Variants in CDC42SE2 observed in about 807,000 individuals in gnomAD.
CDC42SE2 encodes CDC42 small effector 2.
A neutral mutation model predicts 11.5 loss-of-function variants in CDC42SE2; 3 were observed. The observed-to-expected ratio is 0.26, with a 90% confidence interval of 0.12 to 0.67. The LOEUF (loss-of-function observed/expected upper bound fraction) is 0.67, where lower values mean the gene tolerates loss of function less well. Among genes scored for constraint, CDC42SE2 ranks in the 30% least tolerant of loss-of-function variants. CDC42SE2 has a pLI of 0.80. For synonymous variants in CDC42SE2, 33 were observed against 34.8 expected, an observed-to-expected ratio of 0.95 and a Z score of 0.18; for missense variants, 82 against 106.8, an observed-to-expected ratio of 0.77 and a Z score of 1.02.
chr5:131,252,288 C>T (rs932523372), intron 1 of CDC42SE2, among the ~76,000 whole-genome samples: 1 of 152,202 alleles, frequency 6.6e-6, no homozygotes, highest in Non-Finnish European at 1.5e-5. Flanking sequence ...AAAGCAACAT[C>T]TACTCTTAAA....
intron 1 of CDC42SE2, among the ~76,000 whole-genome samples, chr5:131,314,399 C>T (rs1332050944): frequency 1.3e-5 from 2 of 152,038 alleles, no homozygotes; most frequent in East Asian, 3.9e-4. Context: ...GCCTGGTTAA[C>T]TTAAAACATT....
chr5:131,332,728 G>A (rs895284271), intron 2 of CDC42SE2, among the ~76,000 whole-genome samples: 3 of 152,172 alleles, frequency 2.0e-5, no homozygotes, highest in African/African-American at 7.2e-5. Flanking sequence ...GTGATGATGA[G>A]CATTTTTTCA....
At chr5:131,380,398 C>T (rs1056545786) in intron 3 of CDC42SE2, among the ~76,000 whole-genome samples, 2 of 152,312 alleles carry the variant, frequency 1.3e-5, no homozygotes, top group Non-Finnish European at 1.5e-5. Context: ...CCACCTGCCT[C>T]AGCCTCCTGA....
intron 3 of CDC42SE2, among the ~76,000 whole-genome samples, chr5:131,384,942 A>AGAGT (rs1255846377): frequency 6.6e-6 from 1 of 151,402 alleles, no homozygotes; most frequent in East Asian, 1.9e-4. Context: ...AAAATTAAGA[A>AGAGT]GAGTGAGTAA....
the CDC42SE2 span, among the ~76,000 whole-genome samples, chr5:131,213,576 G>A: frequency 6.6e-6 from 1 of 152,074 alleles, no homozygotes; most frequent in Admixed American, 6.6e-5. Flanking sequence ...AGCCTCCCAA[G>A]TAGCTGGGAC....
chr5:131,314,799 C>T (rs1224679652), intron 1 of CDC42SE2, among the ~76,000 whole-genome samples: 1 of 152,102 alleles, frequency 6.6e-6, no homozygotes, highest in Non-Finnish European at 1.5e-5. Flanking sequence ...CAATGGTTTT[C>T]ATTTTTCCTT....
chr5:131,376,241 A>C (rs1157282238), intron 3 of CDC42SE2, among the ~76,000 whole-genome samples: 2 of 152,090 alleles, frequency 1.3e-5, no homozygotes, highest in Non-Finnish European at 2.9e-5. Context: ...TGTCTCAAAA[A>C]AAAAAACAAA....
At chr5:131,355,050 C>G (rs1251232376) in intron 2 of CDC42SE2, among the ~76,000 whole-genome samples, 1 of 152,176 alleles carries the variant, frequency 6.6e-6, no homozygotes, top group East Asian at 1.9e-4. Flanking sequence ...TCAAATTTTT[C>G]AGATTTAGGG....
At position 131,390,891 on chromosome 5, in the gene CDC42SE2, A is replaced by G. The variant is rs1750630885; in HGVS notation, c.157-102A>G. On this transcript the variant is annotated intron_variant, in intron 4 of 4. Transcript: ENST00000505065. ...TTTGTCTATAAAAGTACCCTTCTGAAAAAAGCAGCCCAAATAAAATTCTGG... is the reference window on the plus strand; with the variant it reads ...TTTGTCTATAAAAGTACCCTTCTGAGAAAAGCAGCCCAAATAAAATTCTGG... The G allele has an allele frequency of 5.6e-6, 4 of 710,924 alleles. No individual in the cohort carries two copies. In the East Asian group the frequency reaches 9.5e-5, roughly 17 times the overall value. 44.0% of individuals were successfully genotyped at this position (710,924 alleles called of 1,614,324 possible). A position where few individuals can be genotyped will look rare whatever the true frequency, so the allele number is the denominator to read the frequency against.
At chr5:131,329,030 A>G (rs948984586) in intron 2 of CDC42SE2, among the ~76,000 whole-genome samples, 1 of 152,154 alleles carries the variant, frequency 6.6e-6, no homozygotes, top group South Asian at 2.1e-4. Flanking sequence ...GGGCACAGAG[A>G]GGGGCGGGAA....
intron 1 of CDC42SE2, among the ~76,000 whole-genome samples, chr5:131,277,835 C>G (rs952576844): frequency 2.8e-4 from 42 of 152,066 alleles, no homozygotes; most frequent in African/African-American, 9.4e-4. Flanking sequence ...TTTGTGAGTC[C>G]TTGAAATTAT....
chr5:131,244,256 T>C (rs1756561800), upstream of CDC42SE2, among the ~76,000 whole-genome samples: 1 of 152,176 alleles, frequency 6.6e-6, no homozygotes, highest in African/African-American at 2.4e-5. Flanking sequence ...TAGTGGGTGA[T>C]ATGAATCTAC....
chr5:131,297,827 A>C (rs1424436623), intron 1 of CDC42SE2, among the ~76,000 whole-genome samples: 1 of 152,064 alleles, frequency 6.6e-6, no homozygotes, highest in Admixed American at 6.5e-5. Context: ...TTTGAGAAAT[A>C]ATCGATCGAC....
intron 3 of CDC42SE2, among the ~76,000 whole-genome samples, chr5:131,378,829 CACA>C (rs147708264): frequency 0.032 from 4,837 of 152,184 alleles, 274 homozygotes; most frequent in African/African-American, 0.11. Flanking sequence ...GGGTTTTTTT[CACA>C]GTAACCACTG....
upstream of CDC42SE2, among the ~76,000 whole-genome samples, chr5:131,242,389 T>A (rs1194581843): frequency 6.6e-6 from 1 of 152,168 alleles, no homozygotes. Context: ...ATAAGTGGCC[T>A]TCTGAAGTCA....
chr5:131,336,991 C>T (rs1398573552), intron 2 of CDC42SE2, among the ~76,000 whole-genome samples: 1 of 152,204 alleles, frequency 6.6e-6, no homozygotes, highest in Admixed American at 6.5e-5. Flanking sequence ...CTCTGTCCAG[C>T]TTTGTTCCGT....
At chr5:131,297,795 C>A (rs1047345854) in intron 1 of CDC42SE2, among the ~76,000 whole-genome samples, 2 of 151,724 alleles carry the variant, frequency 1.3e-5, no homozygotes, top group Non-Finnish European at 2.9e-5. Flanking sequence ...CCTAAAAAAG[C>A]CTTTTTGATG....
chr5:131,286,205 T>C (rs1456448903), intron 1 of CDC42SE2, among the ~76,000 whole-genome samples: 1 of 151,502 alleles, frequency 6.6e-6, no homozygotes. Flanking sequence ...AGGTCCTCCT[T>C]AGTAGCTGGG....
intron 2 of CDC42SE2, among the ~76,000 whole-genome samples, chr5:131,350,334 A>G (rs983676095): frequency 6.6e-6 from 1 of 151,856 alleles, no homozygotes; most frequent in Non-Finnish European, 1.5e-5. Flanking sequence ...TTAAATTTAT[A>G]AAAATACAAA....
Sources: gnomAD v4.1 joint callset for allele counts (sites outside exome capture counted in the v4.1 genomes callset) on GRCh38, gnomAD v4.1.1 for gene constraint, MANE v1.5 for transcripts, NCBI Gene and HGNC (gene_info 2026-07-23, HGNC 2026-07-21) for gene names.